The following PRELID2 variants were observed in gnomAD, a reference collection of about 807,000 sequenced individuals.
The protein encoded by PRELID2 is PRELI domain-containing protein 2.
In PRELID2, 25 loss-of-function variants were observed where a neutral mutation model predicts 28.4. That is an observed-to-expected ratio of 0.88 (90% CI 0.64 to 1.23). PRELID2 has a LOEUF of 1.23. Among genes scored for constraint, PRELID2 ranks in the 50% most tolerant of loss-of-function variants. The pLI is 0.00. For synonymous variants in PRELID2, 76 were observed against 71.6 expected, an observed-to-expected ratio of 1.06 and a Z score of -0.31; for missense variants, 201 against 214.4, an observed-to-expected ratio of 0.94 and a Z score of 0.39.
chr5:145,303,218 T>C, the PRELID2 span, among the ~76,000 whole-genome samples: 1 of 152,148 alleles, frequency 6.6e-6, no homozygotes, highest in Non-Finnish European at 1.5e-5. Context: ...AGGTACACTT[T>C]GGTTTAGAGA....
the PRELID2 span, among the ~76,000 whole-genome samples, chr5:145,337,328 A>T: frequency 6.6e-6 from 1 of 151,916 alleles, no homozygotes; most frequent in Non-Finnish European, 1.5e-5. Flanking sequence ...ACTAACCAAG[A>T]AAAAAAGAAG....
chr5:145,634,444 C>A (rs1293792227), intron 1 of PRELID2, among the ~76,000 whole-genome samples: 1 of 152,180 alleles, frequency 6.6e-6, no homozygotes, highest in Non-Finnish European at 1.5e-5. Context: ...ACTTGCAATT[C>A]TTGAGACCCA....
chr5:145,760,065 T>C lies in PRELID2; in HGVS notation c.*471A>G, dbSNP rs1219134993. Reference sequence around the variant, plus strand: ...ATTCCTGTTTGTTCCAGTCCACCCGTGAATCAGGTACCAGTTCAACTCCCT... The same window carrying C: ...ATTCCTGTTTGTTCCAGTCCACCCGCGAATCAGGTACCAGTTCAACTCCCT... On this transcript the variant is annotated 3_prime_UTR_variant, in exon 7 of 7. Transcript: ENST00000683046. 1.3e-5 allele frequency: 2 copies of C among 152,150 alleles called. No individual in the cohort carries two copies. The highest frequency in any genetic ancestry group is 4.8e-5 in the African/African-American group (2 of 41,432). The allele number at this position is 152,150 out of a possible 1,614,324, so 9.4% of individuals were successfully genotyped here.
At chr5:145,553,350 C>T (rs557532228) in intron 1 of PRELID2, among the ~76,000 whole-genome samples, 9 of 152,178 alleles carry the variant, frequency 5.9e-5, no homozygotes, top group African/African-American at 7.2e-5. Context: ...TCACCTGAGG[C>T]GGTTCAGTGT....
At chr5:145,406,204 A>C in the PRELID2 span, among the ~76,000 whole-genome samples, 1 of 152,172 alleles carries the variant, frequency 6.6e-6, no homozygotes, top group South Asian at 2.1e-4. Flanking sequence ...AAACTATATC[A>C]ATTGGCATCA....
chr5:145,734,597 T>A (rs940539043), intron 1 of PRELID2, among the ~76,000 whole-genome samples: 1 of 152,120 alleles, frequency 6.6e-6, no homozygotes. Flanking sequence ...AATTAGCATG[T>A]TTTATGAAAA....
intron 5 of PRELID2, among the ~76,000 whole-genome samples, chr5:145,781,732 CTA>C (rs1192072023): frequency 7.0e-6 from 1 of 143,524 alleles, no homozygotes; most frequent in Non-Finnish European, 1.5e-5. Flanking sequence ...TATATATATA[CTA>C]TATATATACT....
At chr5:145,753,348 C>T (rs1429636886), downstream of PRELID2, among the ~76,000 whole-genome samples, 6 of 152,186 alleles carry the variant, frequency 3.9e-5, no homozygotes, top group East Asian at 3.8e-4. Flanking sequence ...CTGTGGGATC[C>T]TTTTTCTGCA....
intron 1 of PRELID2, among the ~76,000 whole-genome samples, chr5:145,829,815 G>A (rs922555930): frequency 1.3e-5 from 2 of 152,192 alleles, no homozygotes; most frequent in Non-Finnish European, 2.9e-5. Flanking sequence ...AGATTTGCAA[G>A]GGAGAAAAGA....
the PRELID2 span, among the ~76,000 whole-genome samples, chr5:145,426,304 T>C: frequency 3.5e-4 from 53 of 152,294 alleles, no homozygotes; most frequent in Middle Eastern, 0.01. Flanking sequence ...CCTTCAGACG[T>C]TAAATTTTCA....
chr5:145,801,712 C>T (rs1753154570), intron 4 of PRELID2, among the ~76,000 whole-genome samples: 1 of 152,170 alleles, frequency 6.6e-6, no homozygotes, highest in Admixed American at 6.5e-5. Context: ...GCTATCACCT[C>T]AAAATCCTAG....
the PRELID2 span, among the ~76,000 whole-genome samples, chr5:145,241,590 T>C: frequency 0.24 from 36,756 of 151,928 alleles, 5,483 homozygotes; most frequent in Non-Finnish European, 0.31. Flanking sequence ...ATATGAAGAA[T>C]GGAGAGGCGT....
the PRELID2 span, among the ~76,000 whole-genome samples, chr5:145,296,762 G>A: frequency 4.0e-5 from 6 of 151,824 alleles, no homozygotes; most frequent in African/African-American, 9.7e-5. Flanking sequence ...CTGAGGAATC[G>A]CCACACTGAC....
At chr5:145,468,306 C>T (rs1438872508), downstream of PRELID2, among the ~76,000 whole-genome samples, 1 of 152,120 alleles carries the variant, frequency 6.6e-6, no homozygotes, top group African/African-American at 2.4e-5. Context: ...TTTCTTAATC[C>T]AGTCTGTCAT....
intron 1 of PRELID2, among the ~76,000 whole-genome samples, chr5:145,663,337 T>C (rs958389104): frequency 6.6e-6 from 1 of 152,122 alleles, no homozygotes; most frequent in Admixed American, 6.6e-5. Context: ...ATAGTTGCTA[T>C]CCATCTTTCA....
intron 1 of PRELID2, among the ~76,000 whole-genome samples, chr5:145,832,712 G>A (rs1053764138): frequency 1.3e-5 from 2 of 151,894 alleles, no homozygotes; most frequent in African/African-American, 4.8e-5. Flanking sequence ...ACTTCCTGAG[G>A]GTGCTGGCAG....
chr5:145,370,329 T>TCAGC, the PRELID2 span, among the ~76,000 whole-genome samples: 1 of 151,446 alleles, frequency 6.6e-6, no homozygotes, highest in Admixed American at 6.6e-5. Context: ...TTGTTTATTT[T>TCAGC]TTTCTGCATA....
the PRELID2 span, among the ~76,000 whole-genome samples, chr5:145,329,187 T>C: frequency 1.3e-5 from 2 of 152,200 alleles, no homozygotes; most frequent in Non-Finnish European, 2.9e-5. Context: ...AGGCTTGTAG[T>C]ATCGTTTGAG....
the PRELID2 span, among the ~76,000 whole-genome samples, chr5:145,451,744 A>C: frequency 6.6e-6 from 1 of 152,194 alleles, no homozygotes; most frequent in Non-Finnish European, 1.5e-5. Context: ...CTGCCTGCAT[A>C]ATATCCCCTT....
Sources: allele counts gnomAD v4.1 joint callset (sites outside exome capture counted in the v4.1 genomes callset), GRCh38; gene constraint gnomAD v4.1.1; transcripts MANE v1.5; gene names NCBI Gene and HGNC (gene_info 2026-07-23, HGNC 2026-07-21).